The following SIPA1L3 variants were observed in gnomAD, a reference collection of about 807,000 sequenced individuals.
SIPA1L3 encodes signal-induced proliferation-associated 1-like protein 3.
In SIPA1L3, 59 loss-of-function variants were observed where a neutral mutation model predicts 150.1. That is an observed-to-expected ratio of 0.39 (90% confidence interval 0.32 to 0.49). The LOEUF (loss-of-function observed/expected upper bound fraction) is 0.49, where lower values mean the gene tolerates loss of function less well. Ranked by LOEUF, SIPA1L3 falls within the 20% of genes least tolerant of loss-of-function variation. SIPA1L3 has a pLI of 0.86. For synonymous variants in SIPA1L3, 1,070 were observed against 1,077.6 expected (o/e 0.99, Z 0.14); for missense variants, 2,211 against 2,489.5 (o/e 0.89, Z 2.38).
intron 1 of SIPA1L3, among the ~76,000 whole-genome samples, chr19:37,942,231 T>C (rs1394597789): frequency 2.6e-5 from 4 of 151,890 alleles, no homozygotes; most frequent in African/African-American, 9.7e-5. Context: ...AAGGAAGAAG[T>C]AAACAGATTA....
In SIPA1L3 at chr19:38,106,598, T is replaced by C. The variant is rs1343361914; in HGVS notation, c.2091T>C (p.His697=). 1 of 1,614,096 alleles carries C rather than the reference T, an allele frequency of 6.2e-7. No homozygotes were observed. The change falls in exon 7 of 22, where the codon CAT becomes CAC. Residue 697 remains histidine (H), a synonymous_variant. Coordinates refer to ENST00000222345, the MANE Select transcript of SIPA1L3 (RefSeq NM_015073.3). ...ACCAGGACTACGAGATCATGTTCCA[T>C]GTCTCCACCCTGCTCCCTTACACCC... ...TMYQDYEIMF[H]VSTLLPYTPN...
chr19:38,179,926 T>A (rs982139285), intron 15 of SIPA1L3, among the ~76,000 whole-genome samples: 2 of 152,094 alleles, frequency 1.3e-5, no homozygotes, highest in Admixed American at 6.6e-5. Context: ...CACTGCAACC[T>A]CTGCCTCCTG....
intron 8 of SIPA1L3, among the ~76,000 whole-genome samples, chr19:38,111,805 G>A (rs756774979): frequency 4.2e-4 from 64 of 152,260 alleles, no homozygotes; most frequent in Non-Finnish European, 7.8e-4. Context: ...GCTACAGAGT[G>A]CCTGCACCTC....
At chr19:38,055,096 G>T (rs1054597487) in intron 2 of SIPA1L3, among the ~76,000 whole-genome samples, 1 of 152,132 alleles carries the variant, frequency 6.6e-6, no homozygotes, top group Admixed American at 6.6e-5. Context: ...TGTGACTTTG[G>T]TCTGGTGACC....
intron 1 of SIPA1L3, among the ~76,000 whole-genome samples, chr19:37,958,773 A>T (rs577770281): frequency 8.5e-4 from 130 of 152,256 alleles, no homozygotes; most frequent in Non-Finnish European, 1.6e-3. Flanking sequence ...ATGGGAGAAG[A>T]TAATTGCAAA....
At chr19:37,911,512 CTTT>C (rs1215377760) in intron 1 of SIPA1L3, among the ~76,000 whole-genome samples, 1 of 143,696 alleles carries the variant, frequency 7.0e-6, no homozygotes, top group Non-Finnish European at 1.5e-5. Context: ...TCTGAGATGT[CTTT>C]TTTTTTTTTT....
chr19:38,141,112 A>G (rs1276796619), intron 10 of SIPA1L3, 72 bp from the exon 11 acceptor site: 19 of 1,448,664 alleles, frequency 1.3e-5, no homozygotes, highest in Non-Finnish European at 1.6e-5. Flanking sequence ...GGCCAGGAAA[A>G]CCCAGCCTAG....
At chr19:38,010,433 G>T (rs1245430408) in intron 1 of SIPA1L3, among the ~76,000 whole-genome samples, 1 of 151,380 alleles carries the variant, frequency 6.6e-6, no homozygotes, top group Non-Finnish European at 1.5e-5. Context: ...AAAAGGGTCT[G>T]GGCACGGTGG....
intron 2 of SIPA1L3, among the ~76,000 whole-genome samples, chr19:38,037,856 T>G (rs762972037): frequency 3.9e-5 from 6 of 152,162 alleles, no homozygotes; most frequent in Non-Finnish European, 5.9e-5. Flanking sequence ...CCTCCAAGTC[T>G]GAGGGTTCTT....
At chr19:38,166,465 A>G (rs542915338) in intron 15 of SIPA1L3, among the ~76,000 whole-genome samples, 24 of 152,082 alleles carry the variant, frequency 1.6e-4, no homozygotes, top group South Asian at 8.3e-4. Flanking sequence ...CAAAAAAAAA[A>G]AAAAGAAAAG....
chr19:38,099,892 C>A (rs1568549374), intron 4 of SIPA1L3, 70 bp from the exon 5 acceptor site: 14 of 1,259,844 alleles, frequency 1.1e-5, no homozygotes, highest in Non-Finnish European at 1.5e-5. Context: ...AAACAAGATA[C>A]CTCTGCTATG....
In SIPA1L3 at chr19:38,158,921, G is replaced by A. The variant is rs556209532; in HGVS notation, c.3662-3332G>A. On this transcript the variant is annotated intron_variant, in intron 13 of 21. Coordinates refer to ENST00000222345, the MANE Select transcript of SIPA1L3 (RefSeq NM_015073.3). ...GCCGAGTTCAAGTGTCAAGTCAGGG[G>A]CAGAGGTCAGCCCAGAGGTAGAGCA... Among the ~76,000 whole-genome samples, 9 of 152,338 alleles carry A rather than the reference G, an allele frequency of 5.9e-5. No homozygotes were observed. The South Asian group carries it at 1.9e-3, about 32-fold the overall frequency.
chr19:38,168,521 C>T (rs773793607), intron 15 of SIPA1L3, among the ~76,000 whole-genome samples: 1 of 151,818 alleles, frequency 6.6e-6, no homozygotes, highest in Non-Finnish European at 1.5e-5. Flanking sequence ...ACCTGTGCCA[C>T]GAAGAGGGAC....
chr19:37,932,372 G>A (rs1431312843), intron 1 of SIPA1L3: 6 of 152,300 alleles, frequency 3.9e-5, no homozygotes, highest in Non-Finnish European at 8.8e-5. Flanking sequence ...CTCCCCCAAA[G>A]GGAATGTTGG....
intron 12 of SIPA1L3, among the ~76,000 whole-genome samples, chr19:38,144,974 G>A (rs1304283609): frequency 6.6e-6 from 1 of 152,134 alleles, no homozygotes; most frequent in Non-Finnish European, 1.5e-5. Flanking sequence ...CAAGCAGGAT[G>A]CTGTGAAACA....
At chr19:37,998,503 C>T (rs1383049968) in intron 1 of SIPA1L3, among the ~76,000 whole-genome samples, 2 of 152,124 alleles carry the variant, frequency 1.3e-5, no homozygotes, top group African/African-American at 4.8e-5. Context: ...TACTTCAGGC[C>T]GGGTGTGGTG....
chr19:38,181,845 C>CAA (rs572648983), intron 15 of SIPA1L3, among the ~76,000 whole-genome samples: 10 of 62,930 alleles, frequency 1.6e-4, no homozygotes, highest in African/African-American at 4.4e-4. Flanking sequence ...GACTCTGTCT[C>CAA]AAAAAAAAAA....
At chr19:38,202,637 C>A (rs1317686089) in intron 20 of SIPA1L3, among the ~76,000 whole-genome samples, 1 of 152,098 alleles carries the variant, frequency 6.6e-6, no homozygotes, top group Non-Finnish European at 1.5e-5. Flanking sequence ...TCTCCCAATC[C>A]CCCAGCCCTG....
intron 1 of SIPA1L3, among the ~76,000 whole-genome samples, chr19:38,010,280 C>T (rs1458822768): frequency 6.6e-6 from 1 of 151,928 alleles, no homozygotes; most frequent in East Asian, 1.9e-4. Flanking sequence ...TGTTGGCTCA[C>T]GCTTATAACC....
Sources: gnomAD v4.1 joint callset for allele counts (sites outside exome capture counted in the v4.1 genomes callset) on GRCh38, gnomAD v4.1.1 for gene constraint, MANE v1.5 for transcripts, NCBI Gene and HGNC (gene_info 2026-07-23, HGNC 2026-07-21) for gene names.